The following CADM1 variants were observed in gnomAD, a reference collection of about 807,000 sequenced individuals.
CADM1 encodes the protein cell adhesion molecule 1.
A neutral mutation model predicts 53.1 loss-of-function variants in CADM1; 15 were observed. The observed-to-expected ratio is 0.28, with a 90% confidence interval of 0.19 to 0.44. The LOEUF (loss-of-function observed/expected upper bound fraction) is 0.44. Ranked by LOEUF, CADM1 falls within the 20% of genes least tolerant of loss-of-function variation. CADM1 has a pLI of 1.00. For missense variants in CADM1, 434 were observed against 611.3 expected (o/e 0.71, Z 3.06); for synonymous variants, 281 against 243.0 (o/e 1.16, Z -1.45).
intron 1 of CADM1, among the ~76,000 whole-genome samples, chr11:115,246,828 G>C (rs1942424050): frequency 6.6e-6 from 1 of 152,102 alleles, no homozygotes; most frequent in Non-Finnish European, 1.5e-5. Flanking sequence ...TATAATTACT[G>C]TTGTGTCACT....
Position 115,306,072 on chromosome 11 carries a change from C to CCCCACACACACACACA in CADM1, c.125-65653_125-65652insTGTGTGTGTGTGTGGG, listed in dbSNP as rs1555060495. On this transcript the variant is annotated intron_variant, in intron 1 of 11. Coordinates refer to ENST00000331581, the MANE Select transcript of CADM1 (RefSeq NM_001301043.2). ...AAGGGATATTTGCAGAGGATATATA[C>CCCCACACACACACACA]CACACACACACACACACACACACAC... Among the ~76,000 whole-genome samples the CCCCACACACACACACA allele has an allele frequency of 1.9e-4, 25 of 130,432 alleles. 1 individual carries two copies. The highest frequency in any genetic ancestry group is 8.0e-4 in the South Asian group (3 of 3,762). 85.6% of individuals were successfully genotyped at this position (130,432 alleles called of 152,430 possible). A position where few individuals can be genotyped will look rare whatever the true frequency, so the allele number is the denominator to read the frequency against.
intron 1 of CADM1, among the ~76,000 whole-genome samples, chr11:115,448,691 C>T (rs2135343326): frequency 6.6e-6 from 1 of 152,052 alleles, no homozygotes; most frequent in South Asian, 2.1e-4. Flanking sequence ...TGGAGCGCCA[C>T]TCCCAAGAAA....
chr11:115,216,214 G>A (rs1941176401), intron 6 of CADM1, among the ~76,000 whole-genome samples: 1 of 152,202 alleles, frequency 6.6e-6, no homozygotes, highest in Non-Finnish European at 1.5e-5. Context: ...GCTAGAAGGG[G>A]TAGCAGTAGA....
intron 7 of CADM1, among the ~76,000 whole-genome samples, chr11:115,211,679 C>T (rs1382830856): frequency 6.1e-5 from 9 of 147,180 alleles, no homozygotes; most frequent in Middle Eastern, 3.5e-3. Flanking sequence ...TTAGTAGAGA[C>T]GGGGTTTCAC....
At chr11:115,349,951 C>T (rs1945682218) in intron 1 of CADM1, among the ~76,000 whole-genome samples, 1 of 152,024 alleles carries the variant, frequency 6.6e-6, no homozygotes, top group South Asian at 2.1e-4. Context: ...CATAGCCTTA[C>T]CATCTTTTTC....
intron 5 of CADM1, among the ~76,000 whole-genome samples, chr11:115,223,018 G>C (rs941144046): frequency 6.6e-6 from 1 of 151,974 alleles, no homozygotes; most frequent in African/African-American, 2.4e-5. Context: ...ACGGTGCCAG[G>C]GACTGGCACA....
chr11:115,401,733 T>C (rs1049780121), intron 1 of CADM1, among the ~76,000 whole-genome samples: 1 of 152,240 alleles, frequency 6.6e-6, no homozygotes, highest in Non-Finnish European at 1.5e-5. Context: ...TGTGTCATTA[T>C]ACCTTTGTTG....
intron 1 of CADM1, among the ~76,000 whole-genome samples, chr11:115,474,851 T>C (rs1949096270): frequency 6.6e-6 from 1 of 151,916 alleles, no homozygotes; most frequent in Middle Eastern, 3.2e-3. Flanking sequence ...GTATAATAAT[T>C]AAAAAAACCA....
intron 1 of CADM1, among the ~76,000 whole-genome samples, chr11:115,482,309 A>G (rs1050588398): frequency 2.0e-5 from 3 of 152,176 alleles, no homozygotes; most frequent in African/African-American, 4.8e-5. Flanking sequence ...GGCACATGGT[A>G]TTGTTATTTT....
intron 9 of CADM1, among the ~76,000 whole-genome samples, chr11:115,194,823 A>T (rs965602983): frequency 6.6e-6 from 1 of 152,058 alleles, no homozygotes; most frequent in Non-Finnish European, 1.5e-5. Flanking sequence ...GGAAGGGGAG[A>T]GGGGACACAC....
chr11:115,227,268 C>T (rs1941645820), intron 5 of CADM1, among the ~76,000 whole-genome samples: 3 of 152,150 alleles, frequency 2.0e-5, no homozygotes, highest in African/African-American at 7.2e-5. Context: ...TATTCCTTGT[C>T]TTAGAATCTA....
chr11:115,279,523 C>CT (rs1187629068), intron 1 of CADM1, among the ~76,000 whole-genome samples: 2 of 152,108 alleles, frequency 1.3e-5, no homozygotes, highest in African/African-American at 4.8e-5. Flanking sequence ...ACAATAGATT[C>CT]TGTATTAGAT....
At chr11:115,374,102 C>T (rs192006943) in intron 1 of CADM1, among the ~76,000 whole-genome samples, 86 of 152,240 alleles carry the variant, frequency 5.6e-4, no homozygotes, top group African/African-American at 2.0e-3. Context: ...AAGAAATGAG[C>T]TTCTAGGAGA....
intron 1 of CADM1, among the ~76,000 whole-genome samples, chr11:115,466,760 T>C (rs1393028693): frequency 6.6e-6 from 1 of 152,216 alleles, no homozygotes; most frequent in Non-Finnish European, 1.5e-5. Flanking sequence ...CTAACATTTG[T>C]CATGCTTCAT....
chr11:115,467,345 C>T (rs369798779), intron 1 of CADM1, among the ~76,000 whole-genome samples: 1 of 152,144 alleles, frequency 6.6e-6, no homozygotes, highest in South Asian at 2.1e-4. Flanking sequence ...AGCTCGAATA[C>T]GCAAACCCAA....
At position 115,176,316 on chromosome 11, in the gene CADM1, T is replaced by TC. The variant is rs1939026804; in HGVS notation, c.*157_*158insG. 42 of 1,500,892 alleles carry TC rather than the reference T, an allele frequency of 2.8e-5. No homozygotes were observed. Among genetic ancestry groups the TC allele is most frequent in the Non-Finnish European group, 3.7e-5 (41 of 1,122,132 alleles). The allele number at this position is 1,500,892 out of a possible 1,614,324, so 93.0% of individuals were successfully genotyped here. ...AGAGTGTACTTTCCAAAGAACATTT[T>TC]TTTTTTTTTTACACAGCAAATCCCA... is the stretch of plus-strand genomic sequence containing the variant. On this transcript the variant is annotated 3_prime_UTR_variant, in exon 12 of 12. Coordinates refer to ENST00000331581, the MANE Select transcript of CADM1 (RefSeq NM_001301043.2).
At chr11:115,427,116 A>AT (rs778176313) in intron 1 of CADM1, among the ~76,000 whole-genome samples, 2 of 152,194 alleles carry the variant, frequency 1.3e-5, no homozygotes, top group Non-Finnish European at 2.9e-5. Flanking sequence ...GCAGATATAA[A>AT]TTAAAATTTA....
rs1385253060 is a variant in CADM1, at chr11:115,404,347, ATATATATAT to A, written c.124+99915_124+99923del. On this transcript the variant is annotated intron_variant, in intron 1 of 11. Coordinates refer to ENST00000331581, the MANE Select transcript of CADM1 (RefSeq NM_001301043.2). Reference sequence around the variant, plus strand: ...TCTCGGAAAAAAAAAAAAAAAAAAAATATATATATATATATATATATATATATATATATA... The same window carrying A: ...TCTCGGAAAAAAAAAAAAAAAAAAAAATATATATATATATATATATATATA... Among the ~76,000 whole-genome samples the A allele has an allele frequency of 8.3e-4, 36 of 43,552 alleles. 3 individuals are homozygous for A. In the East Asian group the frequency reaches 0.012, roughly 15 times the overall value. The allele number at this position is 43,552 out of a possible 152,430, so 28.6% of individuals were successfully genotyped here.
At chr11:115,377,641 T>A (rs1591760898) in intron 1 of CADM1, 1 of 152,324 alleles carries the variant, frequency 6.6e-6, no homozygotes, top group South Asian at 2.1e-4. Context: ...TAATAATTCA[T>A]ATACCTAGGC....
Sources: allele counts gnomAD v4.1 joint callset (sites outside exome capture counted in the v4.1 genomes callset), GRCh38; gene constraint gnomAD v4.1.1; transcripts MANE v1.5; gene names NCBI Gene and HGNC (gene_info 2026-07-23, HGNC 2026-07-21).